RBFOX2: variants seen among roughly 807,000 people sequenced by gnomAD.
RBFOX2 encodes RNA binding protein fox-1 homolog 2.
Under a neutral mutation model 49.1 loss-of-function variants are expected in RBFOX2, and 10 were observed. That is an observed-to-expected ratio of 0.20 (90% CI 0.13 to 0.35). RBFOX2 has a LOEUF of 0.35. RBFOX2 is among the 10% of genes least tolerant of loss of function. The probability of loss-of-function intolerance (pLI) is 1.00; values close to 1 mark genes in which losing one functional copy is unlikely to be tolerated. For missense variants in RBFOX2, 323 were observed against 486.9 expected, an observed-to-expected ratio of 0.66 and a Z score of 3.17; for synonymous variants, 183 against 187.4, an observed-to-expected ratio of 0.98 and a Z score of 0.19.
intron 2 of RBFOX2, among the ~76,000 whole-genome samples, chr22:35,790,085 G>A (rs901182652): frequency 6.6e-6 from 1 of 152,190 alleles, no homozygotes; most frequent in Non-Finnish European, 1.5e-5. Context: ...TTTTTGTGGT[G>A]TAAGTAAAAT....
intron 1 of RBFOX2, among the ~76,000 whole-genome samples, chr22:35,864,099 T>C (rs1164372845): frequency 3.3e-5 from 5 of 152,240 alleles, no homozygotes; most frequent in Admixed American, 6.5e-5. Context: ...TAAATTAATA[T>C]GCAAAGTAAA....
At chr22:36,013,596 A>T (rs192736756) in intron 1 of RBFOX2, among the ~76,000 whole-genome samples, 16 of 151,994 alleles carry the variant, frequency 1.1e-4, no homozygotes, top group African/African-American at 3.9e-4. Flanking sequence ...ATAATCTCAG[A>T]GTGGTAAAAC....
intron 1 of RBFOX2, among the ~76,000 whole-genome samples, chr22:35,832,089 C>T (rs73413820): frequency 0.048 from 7,287 of 152,240 alleles, 592 homozygotes; most frequent in African/African-American, 0.16. Flanking sequence ...TGACTAAAGC[C>T]AGTTGTATGC....
chr22:35,767,395 T>C (rs902437422), intron 5 of RBFOX2, among the ~76,000 whole-genome samples: 1 of 152,172 alleles, frequency 6.6e-6, no homozygotes, highest in Non-Finnish European at 1.5e-5. Context: ...GCCAGCATTG[T>C]GTATAGTTAC....
Position 36,028,231 on chromosome 22 carries a change from C to A in RBFOX2, c.186+9G>T. The A allele has an allele frequency of 2.7e-6, 4 of 1,502,966 alleles. No individual in the cohort carries two copies. Among genetic ancestry groups the A allele is most frequent in the Non-Finnish European group, 2.6e-6 (3 of 1,134,108 alleles). The allele number at this position is 1,502,966 out of a possible 1,614,324, so 93.1% of individuals were successfully genotyped here. A position where few individuals can be genotyped will look rare whatever the true frequency, so the allele number is the denominator to read the frequency against. On this transcript the variant is annotated intron_variant, in intron 1 of 13. Coordinates refer to the RBFOX2 transcript ENST00000438146. ...CGCAATAACTGGGCGCCCCGTCCCGCGCGGTCACCTGCATCCCGCCGCCAC... is the reference window on the plus strand; with the variant it reads ...CGCAATAACTGGGCGCCCCGTCCCGAGCGGTCACCTGCATCCCGCCGCCAC...
At chr22:35,821,279 AAT>A (rs1376363524) in intron 1 of RBFOX2, among the ~76,000 whole-genome samples, 2 of 152,004 alleles carry the variant, frequency 1.3e-5, no homozygotes, top group Admixed American at 1.3e-4. Flanking sequence ...TAGCAAATCA[AAT>A]AGGTAAGAAG....
intron 1 of RBFOX2, among the ~76,000 whole-genome samples, chr22:35,889,185 T>C (rs1342822571): frequency 1.3e-5 from 2 of 151,978 alleles, no homozygotes; most frequent in East Asian, 3.9e-4. Flanking sequence ...AGAAAATTCA[T>C]TCTTCTCCAG....
intron 4 of RBFOX2, among the ~76,000 whole-genome samples, chr22:35,772,191 T>A (rs1403883853): frequency 5.3e-5 from 8 of 152,170 alleles, no homozygotes; most frequent in Non-Finnish European, 1.2e-4. Context: ...AAACTTCTAT[T>A]CATAAAATCA....
chr22:35,875,672 T>C (rs568190007), intron 1 of RBFOX2, among the ~76,000 whole-genome samples: 1 of 133,662 alleles, frequency 7.5e-6, no homozygotes, highest in South Asian at 2.4e-4. Flanking sequence ...GTGTGTCTTG[T>C]AGCCCATATG....
chr22:35,914,174 C>A (rs568288648), intron 1 of RBFOX2, among the ~76,000 whole-genome samples: 1 of 152,256 alleles, frequency 6.6e-6, no homozygotes, highest in South Asian at 2.1e-4. Context: ...CCTTAAGTGA[C>A]CTTGGGCAAG....
chr22:35,757,306 CAG>C (rs1194359729), intron 9 of RBFOX2, among the ~76,000 whole-genome samples: 1 of 150,946 alleles, frequency 6.6e-6, no homozygotes, highest in Non-Finnish European at 1.5e-5. Context: ...TTTGTGCATA[CAG>C]ACTTATACAG....
intron 1 of RBFOX2, among the ~76,000 whole-genome samples, chr22:35,811,565 T>C (rs185446196): frequency 3.9e-5 from 6 of 152,316 alleles, no homozygotes; most frequent in African/African-American, 1.4e-4. Flanking sequence ...TATATTGTTA[T>C]GTAATACTTT....
At chr22:35,757,153 G>A (rs1001832978) in intron 9 of RBFOX2, among the ~76,000 whole-genome samples, 3 of 151,634 alleles carry the variant, frequency 2.0e-5, no homozygotes, top group Non-Finnish European at 4.4e-5. Context: ...GAAGGTAGCT[G>A]GTTAAGAATA....
intron 1 of RBFOX2, among the ~76,000 whole-genome samples, chr22:35,848,792 C>A (rs2041531774): frequency 6.6e-6 from 1 of 152,118 alleles, no homozygotes; most frequent in Admixed American, 6.5e-5. Flanking sequence ...TTTTCTTATT[C>A]TAGGTTTCCA....
chr22:35,872,787 G>T (rs527347653), intron 1 of RBFOX2, among the ~76,000 whole-genome samples: 1 of 152,144 alleles, frequency 6.6e-6, no homozygotes, highest in Non-Finnish European at 1.5e-5. Flanking sequence ...ATGTCTGCCC[G>T]CTAGGGTCTC....
At chr22:35,773,009 A>T (rs1051827074) in intron 4 of RBFOX2, among the ~76,000 whole-genome samples, 9 of 151,286 alleles carry the variant, frequency 5.9e-5, no homozygotes, top group African/African-American at 1.7e-4. Flanking sequence ...AAAAATAAAT[A>T]AAAAAAATAT....
At chr22:35,931,905 CA>C (rs1224509664) in intron 1 of RBFOX2, among the ~76,000 whole-genome samples, 1 of 152,138 alleles carries the variant, frequency 6.6e-6, no homozygotes, top group Non-Finnish European at 1.5e-5. Flanking sequence ...CAATTTTGGT[CA>C]ATCGTTAGTC....
intron 3 of RBFOX2, among the ~76,000 whole-genome samples, chr22:35,778,573 AT>A (rs1944440926): frequency 6.6e-6 from 1 of 152,156 alleles, no homozygotes; most frequent in Non-Finnish European, 1.5e-5. Context: ...AGTACACAGC[AT>A]TCCAGGCTTT....
At chr22:35,815,455 G>A (rs1952840993) in intron 1 of RBFOX2, among the ~76,000 whole-genome samples, 1 of 152,130 alleles carries the variant, frequency 6.6e-6, no homozygotes, top group African/African-American at 2.4e-5. Flanking sequence ...TGAGAGAGAA[G>A]GGTGTATTTT....
Sources: allele counts gnomAD v4.1 joint callset (sites outside exome capture counted in the v4.1 genomes callset), GRCh38; gene constraint gnomAD v4.1.1; transcripts MANE v1.5; gene names NCBI Gene and HGNC (gene_info 2026-07-23, HGNC 2026-07-21).